Variants in CPAP observed in about 807,000 individuals in gnomAD.
CPAP encodes the protein centrosome assembly and centriole elongation protein.
chr13:24,883,410 T>A, the CPAP span: 104 of 1,418,550 alleles, frequency 7.3e-5, no homozygotes, highest in South Asian at 1.0e-4. Flanking sequence ...AAAAAAAAAA[T>A]AATAGAAAAT....
chr13:24,909,552 C>CA, the CPAP span, among the ~76,000 whole-genome samples: 94 of 147,710 alleles, frequency 6.4e-4, 1 homozygote, highest in South Asian at 5.6e-3. Context: ...CCACAGGGGA[C>CA]AAAAAAAAAT....
chr13:24,906,103 A>T, the CPAP span: 12 of 1,612,834 alleles, frequency 7.4e-6, no homozygotes, highest in South Asian at 1.1e-4. Flanking sequence ...TCTCCTTCTC[A>T]CGTGCAGTGT....
chr13:24,904,971 A>G, the CPAP span, among the ~76,000 whole-genome samples: 14 of 152,190 alleles, frequency 9.2e-5, no homozygotes, highest in Admixed American at 9.2e-4. Flanking sequence ...AGGACAGTAT[A>G]CAAAAAGAGT....
chr13:24,900,349 G>T, the CPAP span, among the ~76,000 whole-genome samples: 1 of 152,122 alleles, frequency 6.6e-6, no homozygotes. Flanking sequence ...AAAAGGAGGA[G>T]ACAGGCCAGG....
chr13:24,922,156 C>G, the CPAP span, among the ~76,000 whole-genome samples: 4 of 152,096 alleles, frequency 2.6e-5, no homozygotes, highest in Non-Finnish European at 5.9e-5. Context: ...AAACTGACAG[C>G]CTTGAAATCT....
chr13:24,898,889 G>T, the CPAP span, among the ~76,000 whole-genome samples: 6 of 152,128 alleles, frequency 3.9e-5, no homozygotes, highest in Admixed American at 3.9e-4. Flanking sequence ...ATAGTTAGTT[G>T]TGTCTTCTCT....
chr13:24,911,870 C>T, the CPAP span: 106 of 1,554,732 alleles, frequency 6.8e-5, no homozygotes, highest in Non-Finnish European at 8.5e-5. Flanking sequence ...GATACAGGAA[C>T]GATAGAAATA....
the CPAP span, chr13:24,912,737 T>C: frequency 4.7e-4 from 764 of 1,614,194 alleles, no homozygotes; most frequent in Admixed American, 6.7e-4. Flanking sequence ...GGAAAGGCTG[T>C]ATGGGTTTCA....
the CPAP span, among the ~76,000 whole-genome samples, chr13:24,901,094 C>T: frequency 2.6e-5 from 4 of 152,038 alleles, no homozygotes; most frequent in Non-Finnish European, 4.4e-5. Context: ...GCCTTGAGAC[C>T]GGACAAGTCT....
At chr13:24,883,091 CAATA>C in the CPAP span, 4 of 1,216,712 alleles carry the variant, frequency 3.3e-6, no homozygotes, top group Non-Finnish European at 4.9e-6. Context: ...CACACATACA[CAATA>C]AATTAAACAG....
At chr13:24,895,946 A>AT in the CPAP span, among the ~76,000 whole-genome samples, 1 of 152,162 alleles carries the variant, frequency 6.6e-6, no homozygotes, top group Non-Finnish European at 1.5e-5. Flanking sequence ...AATAGTTAAT[A>AT]TTTTTCAACA....
the CPAP span, among the ~76,000 whole-genome samples, chr13:24,930,073 G>C: frequency 1.3e-5 from 2 of 151,570 alleles, no homozygotes; most frequent in South Asian, 4.2e-4. Flanking sequence ...ACCATGCCCA[G>C]TTAATTTTTT....
chr13:24,882,755 T>TAATA, the CPAP span: 1 of 187,022 alleles, frequency 5.3e-6, no homozygotes, highest in African/African-American at 2.4e-5. Context: ...CTGAACATAG[T>TAATA]AATATTTTGG....
At chr13:24,928,517 A>G in the CPAP span, among the ~76,000 whole-genome samples, 2 of 152,068 alleles carry the variant, frequency 1.3e-5, no homozygotes, top group African/African-American at 4.8e-5. Flanking sequence ...TGCAGCCTCC[A>G]CCTCCCGAGT....
the CPAP span, among the ~76,000 whole-genome samples, chr13:24,898,703 C>T: frequency 1.3e-5 from 2 of 152,142 alleles, no homozygotes; most frequent in Admixed American, 1.3e-4. Flanking sequence ...TGAGATTGCT[C>T]AAGGATGGCT....
the CPAP span, among the ~76,000 whole-genome samples, chr13:24,893,623 T>A: frequency 1.3e-5 from 2 of 152,250 alleles, no homozygotes; most frequent in Admixed American, 1.3e-4. Flanking sequence ...ACATCCGAGT[T>A]TTCTGACTTG....
At chr13:24,886,212 G>T in the CPAP span, 1 of 807,486 alleles carries the variant, frequency 1.2e-6, no homozygotes, top group Non-Finnish European at 1.8e-6. Context: ...ATGTGCCAAT[G>T]GATCATATTG....
chr13:24,928,236 G>T, the CPAP span, among the ~76,000 whole-genome samples: 2 of 152,194 alleles, frequency 1.3e-5, no homozygotes, highest in Non-Finnish European at 2.9e-5. Flanking sequence ...CTCAGCCAGA[G>T]TCTGCAGGAC....
chr13:24,912,069 G>C, the CPAP span: 1 of 1,612,696 alleles, frequency 6.2e-7, no homozygotes, highest in Non-Finnish European at 8.5e-7. Flanking sequence ...ACTTCTTTCA[G>C]CTTTTTAAAT....
Sources: gnomAD v4.1 joint callset for allele counts (sites outside exome capture counted in the v4.1 genomes callset) on GRCh38, gnomAD v4.1.1 for gene constraint, MANE v1.5 for transcripts, NCBI Gene and HGNC (gene_info 2026-07-23, HGNC 2026-07-21) for gene names.